Variants in XYLT1 observed in about 807,000 individuals in gnomAD.
XYLT1 encodes the protein beta-D-xylosyltransferase 1.
Under a neutral mutation model 91.3 loss-of-function variants are expected in XYLT1, and 36 were observed. The ratio of observed to expected loss-of-function variants is 0.39; its 90% CI spans 0.30 to 0.52. The LOEUF is 0.52. Ranked by LOEUF, XYLT1 falls within the 20% of genes least tolerant of loss-of-function variation. XYLT1 has a pLI of 0.68. For synonymous variants in XYLT1, 588 were observed against 532.0 expected, an observed-to-expected ratio of 1.11 and a Z score of -1.45; for missense variants, 1,242 against 1,284.5, an observed-to-expected ratio of 0.97 and a Z score of 0.51.
At chr16:17,377,120 T>A (rs1368040287) in intron 1 of XYLT1, among the ~76,000 whole-genome samples, 1 of 147,006 alleles carries the variant, frequency 6.8e-6, no homozygotes, top group African/African-American at 2.7e-5. Flanking sequence ...GAGGGTGCAG[T>A]GAGCCAAGAT....
At chr16:17,326,051 G>A (rs2034796437) in intron 2 of XYLT1, among the ~76,000 whole-genome samples, 1 of 152,288 alleles carries the variant, frequency 6.6e-6, no homozygotes, top group Non-Finnish European at 1.5e-5. Context: ...CTTAATGTAT[G>A]CATTTTGAAG....
At chr16:17,433,178 C>T (rs1385515036) in intron 1 of XYLT1, among the ~76,000 whole-genome samples, 2 of 152,134 alleles carry the variant, frequency 1.3e-5, no homozygotes, top group East Asian at 1.9e-4. Flanking sequence ...GCCCCACATG[C>T]AGCCACGCCC....
chr16:17,338,346 C>A (rs982080632), intron 2 of XYLT1: 1 of 456,378 alleles, frequency 2.2e-6, no homozygotes, highest in African/African-American at 2.0e-5. Context: ...GTCTACAGTA[C>A]CTGGGCCTGT....
rs148118242 is a variant in XYLT1 at position 17,259,190 on chromosome 16, A to T, written c.711T>A (p.Pro237=). 1.0e-4 allele frequency: 160 copies of T among 1,604,722 alleles called. No individual in the cohort carries two copies. The highest frequency in any genetic ancestry group is 1.2e-4 in the Non-Finnish European group (146 of 1,175,102). ...SSHGKDVSRP[P]HARKTGGSSP... is the part of the protein sequence containing the mutation. The stretch of plus-strand genomic sequence containing the variant: ...AGCTGCCCCCAGTTTTCCTGGCATG[A>T]GGCGGTCTGGACACATCCTTCCCGT... The change falls in exon 3 of 12, where the codon CCT becomes CCA. Residue 237 remains proline, a synonymous_variant. Coordinates refer to ENST00000261381, the MANE Select transcript of XYLT1 (RefSeq NM_022166.4).
chr16:17,258,031 G>C (rs1337102758), intron 3 of XYLT1, among the ~76,000 whole-genome samples: 1 of 152,144 alleles, frequency 6.6e-6, no homozygotes, highest in Non-Finnish European at 1.5e-5. Context: ...TGAATTTCTG[G>C]ATCAGAGCTT....
chr16:17,151,112 G>A (rs866462480), intron 6 of XYLT1, among the ~76,000 whole-genome samples: 1 of 152,214 alleles, frequency 6.6e-6, no homozygotes, highest in Non-Finnish European at 1.5e-5. Flanking sequence ...TAGGGAGTCA[G>A]TGCAGCATGG....
At chr16:17,449,957 G>C (rs577069884) in intron 1 of XYLT1, among the ~76,000 whole-genome samples, 1 of 152,324 alleles carries the variant, frequency 6.6e-6, no homozygotes, top group South Asian at 2.1e-4. Flanking sequence ...CACCTATTGT[G>C]TGCCATTCAC....
intron 4 of XYLT1, among the ~76,000 whole-genome samples, chr16:17,199,210 G>A (rs951728771): frequency 2.6e-5 from 4 of 152,288 alleles, no homozygotes; most frequent in Admixed American, 2.0e-4. Flanking sequence ...GCTAGAAGCC[G>A]ACCTTTTGGA....
chr16:17,398,011 C>T (rs1424669073), intron 1 of XYLT1, among the ~76,000 whole-genome samples: 2 of 151,810 alleles, frequency 1.3e-5, no homozygotes, highest in Admixed American at 6.6e-5. Flanking sequence ...TTAGTAGAGA[C>T]GGGGTTTCAC....
chr16:17,249,312 C>A (rs934552832), intron 3 of XYLT1, among the ~76,000 whole-genome samples: 1 of 152,176 alleles, frequency 6.6e-6, no homozygotes, highest in Non-Finnish European at 1.5e-5. Context: ...TGCACACAGG[C>A]CTCTGTAGAG....
chr16:17,117,518 G>T, intron 11 of XYLT1, 128 bp downstream of exon 11: 1 of 955,590 alleles, frequency 1.0e-6, no homozygotes. Context: ...AGTATTGAGA[G>T]CAAGGAGTGC....
At chr16:17,339,355 T>C (rs1202095294) in intron 2 of XYLT1, among the ~76,000 whole-genome samples, 1 of 152,234 alleles carries the variant, frequency 6.6e-6, no homozygotes, top group Non-Finnish European at 1.5e-5. Context: ...CCCGAGACTT[T>C]GACACCAACA....
At chr16:17,244,645 G>A (rs2125198) in intron 3 of XYLT1, among the ~76,000 whole-genome samples, 111,583 of 152,150 alleles carry the variant, frequency 0.73, 42,242 homozygotes, top group African/African-American at 0.87. Context: ...TGGGGCATCC[G>A]TTGTAGGTAG....
intron 5 of XYLT1, among the ~76,000 whole-genome samples, chr16:17,175,568 C>T (rs748344733): frequency 1.3e-5 from 2 of 152,298 alleles, no homozygotes; most frequent in Admixed American, 6.5e-5. Flanking sequence ...CTGGAGCCCG[C>T]AGGCGTGGTC....
chr16:17,442,017 G>A lies in XYLT1; in HGVS notation c.363+28417C>T, dbSNP rs138351288. Among the ~76,000 whole-genome samples the A allele has an allele frequency of 7.7e-3, 1,170 of 152,228 alleles. 8 individuals are homozygous for A. Among genetic ancestry groups the A allele is most frequent in the Middle Eastern group, 0.031 (9 of 294 alleles). On this transcript the variant is annotated intron_variant, in intron 1 of 11. Coordinates refer to ENST00000261381, the MANE Select transcript of XYLT1 (RefSeq NM_022166.4). ...CTGGTTGAGATTAACATTTGCACTG[G>A]TGGCTGATCCACCCCCATGTATGGT... is the stretch of plus-strand genomic sequence containing the variant.
intron 2 of XYLT1, among the ~76,000 whole-genome samples, chr16:17,309,787 G>C (rs2034517263): frequency 2.0e-5 from 3 of 152,240 alleles, no homozygotes; most frequent in Admixed American, 2.0e-4. Flanking sequence ...CAGTCAAGAA[G>C]ATTAACAGGG....
chr16:17,125,142 T>A (rs1247285952), intron 10 of XYLT1, among the ~76,000 whole-genome samples: 1 of 152,182 alleles, frequency 6.6e-6, no homozygotes, highest in Non-Finnish European at 1.5e-5. Flanking sequence ...TGTGATCTTT[T>A]GGGGATGTTA....
intron 1 of XYLT1, among the ~76,000 whole-genome samples, chr16:17,440,648 C>T (rs922970898): frequency 6.6e-6 from 1 of 152,164 alleles, no homozygotes; most frequent in Non-Finnish European, 1.5e-5. Flanking sequence ...ATACTAAGTT[C>T]CACTTCACAT....
intron 1 of XYLT1, among the ~76,000 whole-genome samples, chr16:17,395,862 CT>C (rs2035878662): frequency 6.6e-6 from 1 of 152,186 alleles, no homozygotes; most frequent in African/African-American, 2.4e-5. Context: ...CTCTCTGTCA[CT>C]CTCATCTGTT....
Sources: gnomAD v4.1 joint callset for allele counts (sites outside exome capture counted in the v4.1 genomes callset) on GRCh38, gnomAD v4.1.1 for gene constraint, MANE v1.5 for transcripts, NCBI Gene and HGNC (gene_info 2026-07-23, HGNC 2026-07-21) for gene names.